ZFAT: variants seen among roughly 807,000 people sequenced by gnomAD.
The protein encoded by ZFAT is zinc finger and AT-hook domain containing, also known as zinc finger protein ZFAT.
A neutral mutation model predicts 117.7 loss-of-function variants in ZFAT; 64 were observed. That is an observed-to-expected ratio of 0.54 (90% CI 0.44 to 0.67). ZFAT has a LOEUF of 0.67. Among genes scored for constraint, ZFAT ranks in the 30% least tolerant of loss-of-function variants. The pLI is 0.00. For synonymous variants in ZFAT, 679 were observed against 615.0 expected (o/e 1.10, Z -1.54); for missense variants, 1,433 against 1,584.5 (o/e 0.90, Z 1.62).
chr8:134,505,599 G>T (rs1233349070), intron 15 of ZFAT, among the ~76,000 whole-genome samples: 1 of 152,128 alleles, frequency 6.6e-6, no homozygotes, highest in Non-Finnish European at 1.5e-5. Flanking sequence ...GCTGGCAATC[G>T]CAATTTGCCC....
the ZFAT span, among the ~76,000 whole-genome samples, chr8:134,744,415 C>T: frequency 4.0e-5 from 6 of 151,704 alleles, no homozygotes; most frequent in African/African-American, 1.5e-4. Context: ...CCTGCCTCAG[C>T]CTCCTGAGTA....
At chr8:134,549,015 G>A (rs920165014) in intron 11 of ZFAT, among the ~76,000 whole-genome samples, 25 of 152,310 alleles carry the variant, frequency 1.6e-4, no homozygotes, top group African/African-American at 4.1e-4. Flanking sequence ...TTTTCCACTC[G>A]GAAGAATTCC....
the ZFAT span, among the ~76,000 whole-genome samples, chr8:134,808,192 G>A: frequency 6.6e-6 from 1 of 152,184 alleles, no homozygotes; most frequent in Non-Finnish European, 1.5e-5. Context: ...ATGCAGAAAC[G>A]TATGTAGTAT....
intron 12 of ZFAT, among the ~76,000 whole-genome samples, chr8:134,524,731 T>C (rs980971872): frequency 2.6e-5 from 4 of 152,230 alleles, no homozygotes; most frequent in Non-Finnish European, 1.5e-5. Context: ...CACCATAGCA[T>C]GCTGCTTCCT....
At chr8:134,715,940 A>T (rs968021291), upstream of ZFAT, among the ~76,000 whole-genome samples, 17 of 152,142 alleles carry the variant, frequency 1.1e-4, no homozygotes, top group African/African-American at 3.4e-4. Context: ...GAAGGTTTTG[A>T]TAAAGGATAC....
At chr8:134,671,598 G>A (rs1316967883) in intron 1 of ZFAT, among the ~76,000 whole-genome samples, 8 of 152,112 alleles carry the variant, frequency 5.3e-5, no homozygotes, top group East Asian at 3.8e-4. Flanking sequence ...TTGATGGGAC[G>A]TATCTCAAAA....
chr8:134,711,603 T>C (rs1814000725), intron 1 of ZFAT, among the ~76,000 whole-genome samples: 1 of 152,056 alleles, frequency 6.6e-6, no homozygotes, highest in Non-Finnish European at 1.5e-5. Context: ...GCCTGAGTGA[T>C]AGTGCGGGAC....
chr8:134,626,272 G>A (rs769222333), intron 3 of ZFAT, among the ~76,000 whole-genome samples: 70 of 152,152 alleles, frequency 4.6e-4, no homozygotes, highest in Non-Finnish European at 8.8e-5. Flanking sequence ...GAGAATCGGA[G>A]GACCACCCAA....
the ZFAT span, among the ~76,000 whole-genome samples, chr8:134,770,054 T>C: frequency 6.6e-6 from 1 of 152,222 alleles, no homozygotes; most frequent in Non-Finnish European, 1.5e-5. Context: ...AGGCCTGTGA[T>C]GGGAGGAGCT....
chr8:134,626,112 C>T (rs1026698603), intron 3 of ZFAT, among the ~76,000 whole-genome samples: 1 of 152,178 alleles, frequency 6.6e-6, no homozygotes, highest in Non-Finnish European at 1.5e-5. Context: ...CCCTGAGTAC[C>T]CTTTGGTCAT....
At chr8:134,803,446 G>T in the ZFAT span, among the ~76,000 whole-genome samples, 1 of 152,104 alleles carries the variant, frequency 6.6e-6, no homozygotes, top group Non-Finnish European at 1.5e-5. Flanking sequence ...CACAGAATAT[G>T]CAATAAATCT....
At chr8:134,584,075 A>AATATAT in intron 9 of ZFAT, 70 bp from the exon 10 acceptor site, 1 of 1,380,384 alleles carries the variant, frequency 7.2e-7, no homozygotes. Flanking sequence ...AATCTGAAGG[A>AATATAT]ATATATATAT....
At chr8:134,618,861 G>T (rs1302348914) in intron 3 of ZFAT, among the ~76,000 whole-genome samples, 1 of 152,154 alleles carries the variant, frequency 6.6e-6, no homozygotes, top group Non-Finnish European at 1.5e-5. Flanking sequence ...TCTAGCATTT[G>T]TAATACCTTA....
At chr8:134,754,980 C>T in the ZFAT span, among the ~76,000 whole-genome samples, 3 of 152,174 alleles carry the variant, frequency 2.0e-5, no homozygotes, top group African/African-American at 4.8e-5. Flanking sequence ...GGGCAAAAAT[C>T]GCAGAACCAA....
the ZFAT span, among the ~76,000 whole-genome samples, chr8:134,722,704 G>A: frequency 6.6e-6 from 1 of 152,190 alleles, no homozygotes; most frequent in Non-Finnish European, 1.5e-5. Flanking sequence ...GACAGGGCAG[G>A]AATCAGGCAC....
the ZFAT span, chr8:134,804,969 A>G: frequency 2.8e-5 from 15 of 532,306 alleles, no homozygotes; most frequent in Non-Finnish European, 5.8e-5. Context: ...AAGAAATTTA[A>G]GAGGAGGAAC....
chr8:134,614,224 C>T (rs1828556078), intron 3 of ZFAT, among the ~76,000 whole-genome samples: 2 of 152,208 alleles, frequency 1.3e-5, no homozygotes, highest in Admixed American at 6.5e-5. Context: ...TATCCCTGTA[C>T]CATCAAGGCC....
intron 2 of ZFAT, among the ~76,000 whole-genome samples, chr8:134,642,622 T>C (rs1365846594): frequency 1.3e-5 from 2 of 152,230 alleles, no homozygotes; most frequent in Non-Finnish European, 2.9e-5. Flanking sequence ...ACGCATTTTT[T>C]CCTTGAGTTC....
At chr8:134,671,782 T>G (rs200336231) in intron 1 of ZFAT, among the ~76,000 whole-genome samples, 9 of 152,180 alleles carry the variant, frequency 5.9e-5, no homozygotes, top group African/African-American at 1.4e-4. Flanking sequence ...AGAAATAAAG[T>G]GTATTCAATT....
Sources: gnomAD v4.1 joint callset for allele counts (sites outside exome capture counted in the v4.1 genomes callset) on GRCh38, gnomAD v4.1.1 for gene constraint, MANE v1.5 for transcripts, NCBI Gene and HGNC (gene_info 2026-07-23, HGNC 2026-07-21) for gene names.